The following PTPRD variants were observed in gnomAD, a reference collection of about 807,000 sequenced individuals.
PTPRD encodes the protein protein tyrosine phosphatase receptor type D, also known as receptor-type tyrosine-protein phosphatase delta.
Under a neutral mutation model 214.5 loss-of-function variants are expected in PTPRD, and 34 were observed. The ratio of observed to expected loss-of-function variants is 0.16; its 90% confidence interval spans 0.12 to 0.21. PTPRD has a LOEUF of 0.21. Among genes scored for constraint, PTPRD ranks in the 10% least tolerant of loss-of-function variants. The pLI is 1.00. For missense variants in PTPRD, 2,545 were observed against 2,398.7 expected (o/e 1.06, Z -1.27); for synonymous variants, 1,128 against 845.7 (o/e 1.33, Z -5.79).
At chr9:8,479,082 TA>T (rs1481998908) in intron 30 of PTPRD, among the ~76,000 whole-genome samples, 3 of 152,320 alleles carry the variant, frequency 2.0e-5, no homozygotes, top group African/African-American at 7.2e-5. Flanking sequence ...GAATACTGAA[TA>T]AAAAGCTACA....
At chr9:9,424,453 C>G (rs1196573166) in intron 8 of PTPRD, among the ~76,000 whole-genome samples, 1 of 152,080 alleles carries the variant, frequency 6.6e-6, no homozygotes, top group Admixed American at 6.6e-5. Context: ...TGTAGAAATT[C>G]CATAGTTCAC....
At chr9:8,810,760 C>G (rs2096785793) in intron 11 of PTPRD, among the ~76,000 whole-genome samples, 1 of 152,300 alleles carries the variant, frequency 6.6e-6, no homozygotes, top group African/African-American at 2.4e-5. Flanking sequence ...TTCTTCAGAA[C>G]TAACTCTAAT....
At chr9:9,261,188 A>C (rs745379297) in intron 9 of PTPRD, among the ~76,000 whole-genome samples, 48 of 151,874 alleles carry the variant, frequency 3.2e-4, no homozygotes, top group Non-Finnish European at 6.6e-4. Context: ...TTTTCTTAGC[A>C]TGGGAAATGA....
chr9:8,419,222 T>A (rs1346770574), intron 35 of PTPRD, among the ~76,000 whole-genome samples: 3 of 130,818 alleles, frequency 2.3e-5, no homozygotes, highest in East Asian at 2.2e-4. Flanking sequence ...CATGACCCAC[T>A]CTCCAAAAAA....
At chr9:8,382,428 C>G (rs1028773872) in intron 37 of PTPRD, among the ~76,000 whole-genome samples, 1 of 152,176 alleles carries the variant, frequency 6.6e-6, no homozygotes, top group Non-Finnish European at 1.5e-5. Context: ...GCATCTCCTC[C>G]TCCCATTCCA....
At chr9:9,254,898 T>G (rs987282283) in intron 9 of PTPRD, among the ~76,000 whole-genome samples, 5 of 152,058 alleles carry the variant, frequency 3.3e-5, no homozygotes, top group South Asian at 2.1e-4. Flanking sequence ...TGATAGGCAT[T>G]GTTAGGATAT....
chr9:8,680,114 T>C (rs2097523205), intron 12 of PTPRD, among the ~76,000 whole-genome samples: 1 of 152,070 alleles, frequency 6.6e-6, no homozygotes, highest in Non-Finnish European at 1.5e-5. Flanking sequence ...ATTACACATA[T>C]ATCATTTTGA....
intron 14 of PTPRD, among the ~76,000 whole-genome samples, chr9:8,627,310 C>T (rs1268268709): frequency 6.6e-6 from 1 of 151,722 alleles, no homozygotes; most frequent in South Asian, 2.1e-4. Flanking sequence ...TCAGACTTGG[C>T]CAAACCCGAT....
chr9:8,633,470 A>G lies in PTPRD; in HGVS notation c.211-12T>C, dbSNP rs747856765. 7 of 1,610,052 alleles carry G rather than the reference A, an allele frequency of 4.3e-6. No individual in the cohort carries two copies. The highest frequency in any genetic ancestry group is 1.7e-4 in the Middle Eastern group (1 of 6,036). On this transcript the variant is annotated splice_polypyrimidine_tract_variant and intron_variant, in intron 13 of 45. Coordinates refer to ENST00000381196, the MANE Select transcript of PTPRD (RefSeq NM_002839.4). Reference sequence around the variant, plus strand: ...TCAAACTCTATTACCTATTAGAGGAAACAATAGCTGTCACAGGTGTTGTTA... The same window carrying G: ...TCAAACTCTATTACCTATTAGAGGAGACAATAGCTGTCACAGGTGTTGTTA...
intron 11 of PTPRD, among the ~76,000 whole-genome samples, chr9:8,777,222 C>A (rs1159884518): frequency 1.3e-5 from 2 of 152,038 alleles, no homozygotes; most frequent in South Asian, 2.1e-4. Flanking sequence ...TCAAGTGATA[C>A]TCCTGCTTCC....
intron 39 of PTPRD, among the ~76,000 whole-genome samples, chr9:8,355,375 A>G (rs1260074719): frequency 2.0e-5 from 3 of 152,182 alleles, no homozygotes; most frequent in Admixed American, 1.3e-4. Context: ...GTTATGTATC[A>G]GCTAGTTACA....
intron 35 of PTPRD, among the ~76,000 whole-genome samples, chr9:8,418,382 G>T (rs534920752): frequency 6.6e-6 from 1 of 151,970 alleles, no homozygotes; most frequent in Non-Finnish European, 1.5e-5. Flanking sequence ...AACTAGCTAC[G>T]TTTAGCCTTG....
intron 5 of PTPRD, among the ~76,000 whole-genome samples, chr9:9,775,417 C>T (rs1367535469): frequency 1.3e-5 from 2 of 152,106 alleles, no homozygotes; most frequent in Non-Finnish European, 2.9e-5. Context: ...AGTTATTTAA[C>T]CTGTTTGACC....
At chr9:8,885,782 C>T (rs1294216616) in intron 11 of PTPRD, among the ~76,000 whole-genome samples, 1 of 152,050 alleles carries the variant, frequency 6.6e-6, no homozygotes, top group Non-Finnish European at 1.5e-5. Flanking sequence ...TCAGCGTGAC[C>T]CACCGTGCCC....
intron 8 of PTPRD, among the ~76,000 whole-genome samples, chr9:9,525,344 A>G (rs910473181): frequency 1.3e-5 from 2 of 152,158 alleles, no homozygotes. Context: ...ATTATATTTC[A>G]ACCAAGGATG....
Position 9,556,838 on chromosome 9 carries a change from T to C in PTPRD, c.-237+17894A>G, listed in dbSNP as rs111476785. ...GAAGCCTCAAAGATTTCTCAGTGCC[T>C]TGCAGGGTCCTTTCGTTATCAGAAA... On this transcript the variant is annotated intron_variant, in intron 8 of 45. Coordinates refer to ENST00000381196, the MANE Select transcript of PTPRD (RefSeq NM_002839.4). 4.6e-5 allele frequency among the ~76,000 whole-genome samples: 7 copies of C among 152,268 alleles called. 1 individual carries two copies. The highest frequency in any genetic ancestry group is 9.6e-5 in the African/African-American group (4 of 41,566).
chr9:10,470,404 T>A (rs2099022752), intron 2 of PTPRD, among the ~76,000 whole-genome samples: 1 of 152,162 alleles, frequency 6.6e-6, no homozygotes, highest in Non-Finnish European at 1.5e-5. Flanking sequence ...TGGATTTCAA[T>A]GTCAAGTTTA....
intron 11 of PTPRD, among the ~76,000 whole-genome samples, chr9:8,794,500 A>G (rs1600008535): frequency 6.8e-6 from 1 of 146,614 alleles, no homozygotes; most frequent in South Asian, 2.2e-4. Flanking sequence ...ATTTATATTC[A>G]CAGAAGCCAT....
intron 11 of PTPRD, among the ~76,000 whole-genome samples, chr9:8,972,953 A>G (rs74959388): frequency 0.035 from 5,293 of 151,668 alleles, 166 homozygotes; most frequent in African/African-American, 0.076. Context: ...ATAAAATTTA[A>G]GTTTCTTTCT....
Sources: allele counts gnomAD v4.1 joint callset (sites outside exome capture counted in the v4.1 genomes callset), GRCh38; gene constraint gnomAD v4.1.1; transcripts MANE v1.5; gene names NCBI Gene and HGNC (gene_info 2026-07-23, HGNC 2026-07-21).